Variants in NRG3 observed in about 807,000 individuals in gnomAD.
The protein encoded by NRG3 is pro-neuregulin-3, membrane-bound isoform.
NRG3 carries 31 observed loss-of-function variants against 66.9 expected under a neutral mutation model. The observed-to-expected ratio is 0.46, with a 90% CI of 0.35 to 0.63. NRG3 has a LOEUF of 0.63. Among genes scored for constraint, NRG3 ranks in the 20% least tolerant of loss-of-function variants. NRG3 has a pLI of 0.00. For missense variants in NRG3, 910 were observed against 878.9 expected (o/e 1.04, Z -0.45); for synonymous variants, 393 against 359.4 (o/e 1.09, Z -1.06).
intron 4 of NRG3, among the ~76,000 whole-genome samples, chr10:82,897,392 C>T (rs570741566): frequency 6.6e-6 from 1 of 152,248 alleles, no homozygotes; most frequent in Admixed American, 6.5e-5. Context: ...ACTGAATTCA[C>T]AGTAACATGC....
At chr10:82,667,705 T>C (rs188800270) in intron 2 of NRG3, among the ~76,000 whole-genome samples, 1 of 152,252 alleles carries the variant, frequency 6.6e-6, no homozygotes, top group Admixed American at 6.5e-5. Flanking sequence ...CAGAATCCTC[T>C]TGTGTGTGTG....
intron 2 of NRG3, among the ~76,000 whole-genome samples, chr10:82,665,855 T>C (rs1408422083): frequency 6.6e-6 from 1 of 152,136 alleles, no homozygotes; most frequent in Admixed American, 6.6e-5. Flanking sequence ...GCTCCAATTA[T>C]CTGGCTACTA....
At chr10:82,680,608 C>T (rs1591144569) in intron 2 of NRG3, among the ~76,000 whole-genome samples, 2 of 152,116 alleles carry the variant, frequency 1.3e-5, no homozygotes, top group East Asian at 1.9e-4. Context: ...CCAGGAAGGA[C>T]CAAGATTTCC....
intron 3 of NRG3, among the ~76,000 whole-genome samples, chr10:82,739,483 A>G (rs1242521961): frequency 6.6e-6 from 1 of 152,240 alleles, no homozygotes; most frequent in Non-Finnish European, 1.5e-5. Flanking sequence ...TACGTAACAC[A>G]GACTTCAGTA....
chr10:82,826,993 A>G (rs2062246536), intron 3 of NRG3, among the ~76,000 whole-genome samples: 2 of 152,100 alleles, frequency 1.3e-5, no homozygotes. Context: ...AATACTTTCT[A>G]AATGGATCCA....
intron 2 of NRG3, among the ~76,000 whole-genome samples, chr10:82,537,874 C>G (rs2043269154): frequency 6.6e-6 from 1 of 151,976 alleles, no homozygotes; most frequent in African/African-American, 2.4e-5. Context: ...TTCGTTGACC[C>G]CATTATTAAT....
intron 3 of NRG3, among the ~76,000 whole-genome samples, chr10:82,743,045 C>T (rs2058495201): frequency 1.3e-5 from 2 of 151,996 alleles, no homozygotes; most frequent in Non-Finnish European, 2.9e-5. Flanking sequence ...GAGAAGATGC[C>T]CATTGGAAGC....
At chr10:82,274,972 T>C (rs1384284307) in intron 1 of NRG3, among the ~76,000 whole-genome samples, 1 of 152,024 alleles carries the variant, frequency 6.6e-6, no homozygotes, top group Non-Finnish European at 1.5e-5. Flanking sequence ...CTCTCTGAAC[T>C]CAGTTTTCTT....
intron 3 of NRG3, among the ~76,000 whole-genome samples, chr10:82,765,599 T>A (rs2059484824): frequency 6.6e-6 from 1 of 152,106 alleles, no homozygotes; most frequent in African/African-American, 2.4e-5. Context: ...AATATAGGAA[T>A]GAAGATGTTA....
intron 1 of NRG3, among the ~76,000 whole-genome samples, chr10:82,293,747 GAATA>G (rs2079878806): frequency 6.6e-6 from 1 of 151,856 alleles, no homozygotes; most frequent in Non-Finnish European, 1.5e-5. Context: ...ATCTCTATGT[GAATA>G]AATAAGGAAT....
chr10:82,423,100 A>G (rs1370025104), intron 2 of NRG3, among the ~76,000 whole-genome samples: 1 of 151,942 alleles, frequency 6.6e-6, no homozygotes, highest in African/African-American at 2.4e-5. Context: ...AAATTAGACT[A>G]TAGACTAAAA....
chr10:82,606,495 T>C (rs1170208698), intron 2 of NRG3, among the ~76,000 whole-genome samples: 1 of 152,194 alleles, frequency 6.6e-6, no homozygotes, highest in East Asian at 1.9e-4. Flanking sequence ...CTGATGTGAT[T>C]GAATGAAGCA....
At chr10:82,840,683 T>A (rs1335722259) in intron 3 of NRG3, among the ~76,000 whole-genome samples, 1 of 152,138 alleles carries the variant, frequency 6.6e-6, no homozygotes, top group Non-Finnish European at 1.5e-5. Flanking sequence ...ATTTTTCTCT[T>A]GTGTCATCGC....
chr10:81,919,431 T>G (rs1190460273), intron 1 of NRG3, among the ~76,000 whole-genome samples: 1 of 152,174 alleles, frequency 6.6e-6, no homozygotes, highest in African/African-American at 2.4e-5. Flanking sequence ...GTGTCAGGAT[T>G]GGTAGCAGCG....
chr10:82,714,781 A>G (rs1362686422), intron 2 of NRG3, among the ~76,000 whole-genome samples: 1 of 152,228 alleles, frequency 6.6e-6, no homozygotes, highest in Non-Finnish European at 1.5e-5. Flanking sequence ...ACTTTTAACT[A>G]TGTTTGAATG....
At chr10:82,452,116 T>G (rs945238620) in intron 2 of NRG3, among the ~76,000 whole-genome samples, 1 of 152,240 alleles carries the variant, frequency 6.6e-6, no homozygotes, top group Admixed American at 6.5e-5. Flanking sequence ...TTAGCTGATG[T>G]CTAATAACCC....
At chr10:82,554,549 A>T (rs1160669442) in intron 2 of NRG3, among the ~76,000 whole-genome samples, 3 of 151,948 alleles carry the variant, frequency 2.0e-5, no homozygotes, top group South Asian at 4.1e-4. Flanking sequence ...TAACCATGTC[A>T]CTCTTGGAGC....
intron 1 of NRG3, among the ~76,000 whole-genome samples, chr10:82,098,004 A>G (rs1432304923): frequency 2.0e-5 from 3 of 151,516 alleles, no homozygotes; most frequent in Non-Finnish European, 4.4e-5. Flanking sequence ...ACCGAGAAGG[A>G]TCTGAGACCT....
chr10:82,718,278 T>C (rs143601827), intron 2 of NRG3, among the ~76,000 whole-genome samples: 45 of 152,298 alleles, frequency 3.0e-4, no homozygotes, highest in African/African-American at 1.0e-3. Flanking sequence ...TCTGACTCTT[T>C]CTTCACCTGT....
Sources: gnomAD v4.1 joint callset for allele counts (sites outside exome capture counted in the v4.1 genomes callset) on GRCh38, gnomAD v4.1.1 for gene constraint, MANE v1.5 for transcripts, NCBI Gene and HGNC (gene_info 2026-07-23, HGNC 2026-07-21) for gene names.